The following PALD1 variants were observed in gnomAD, a reference collection of about 807,000 sequenced individuals.
The protein encoded by PALD1 is phosphatase domain containing paladin 1.
PALD1 carries 57 observed loss-of-function variants against 96.0 expected under a neutral mutation model. The ratio of observed to expected loss-of-function variants is 0.59; its 90% CI spans 0.48 to 0.74. PALD1 has a LOEUF of 0.74. Among genes scored for constraint, PALD1 ranks in the 30% least tolerant of loss-of-function variants. PALD1 has a pLI of 0.00. For synonymous variants in PALD1, 464 were observed against 473.6 expected, an observed-to-expected ratio of 0.98 and a Z score of 0.26; for missense variants, 1,063 against 1,143.7, an observed-to-expected ratio of 0.93 and a Z score of 1.02.
intron 1 of PALD1, among the ~76,000 whole-genome samples, chr10:70,492,596 AC>A (rs1389982521): frequency 2.6e-5 from 4 of 151,494 alleles, no homozygotes; most frequent in Non-Finnish European, 4.4e-5. Flanking sequence ...AGCTGGGATT[AC>A]AGGTACCTGC....
intron 10 of PALD1, among the ~76,000 whole-genome samples, chr10:70,535,840 A>G (rs541956435): frequency 6.6e-6 from 1 of 152,186 alleles, no homozygotes; most frequent in East Asian, 1.9e-4. Flanking sequence ...ATCTGGGACT[A>G]CAGGTGCATG....
At chr10:70,550,400 G>C (rs1405073989) in intron 18 of PALD1, among the ~76,000 whole-genome samples, 2 of 152,170 alleles carry the variant, frequency 1.3e-5, no homozygotes, top group African/African-American at 4.8e-5. Context: ...TTCTGATTCT[G>C]TAGGTCTGGA....
intron 1 of PALD1, among the ~76,000 whole-genome samples, chr10:70,514,899 A>T (rs1846589019): frequency 6.6e-6 from 1 of 152,178 alleles, no homozygotes; most frequent in Non-Finnish European, 1.5e-5. Flanking sequence ...TTATACAAAT[A>T]ACTAAACTTA....
chr10:70,561,584 C>T (rs1162228927), intron 18 of PALD1, among the ~76,000 whole-genome samples: 2 of 152,144 alleles, frequency 1.3e-5, no homozygotes, highest in African/African-American at 4.8e-5. Flanking sequence ...GCAAATCCTG[C>T]CCCCAGCGGC....
chr10:70,531,531 C>T, intron 5 of PALD1, 77 bp downstream of exon 5: 1 of 1,381,548 alleles, frequency 7.2e-7, no homozygotes, highest in Non-Finnish European at 9.9e-7. Context: ...GGCCAGCTCA[C>T]CTGCTCTTAC....
intron 17 of PALD1, among the ~76,000 whole-genome samples, chr10:70,544,963 C>T (rs1437480115): frequency 6.6e-6 from 1 of 152,224 alleles, no homozygotes; most frequent in Non-Finnish European, 1.5e-5. Context: ...AAGGCCCTTC[C>T]CTGTTCTTAA....
At chr10:70,522,571 C>A (rs1024767513) in intron 1 of PALD1, among the ~76,000 whole-genome samples, 1 of 152,220 alleles carries the variant, frequency 6.6e-6, no homozygotes, top group African/African-American at 2.4e-5. Flanking sequence ...GGCACTGCCT[C>A]ACACTCCATT....
chr10:70,477,122 A>G (rs923108478), upstream of PALD1, among the ~76,000 whole-genome samples: 5 of 152,172 alleles, frequency 3.3e-5, no homozygotes. Context: ...AGAGGACATT[A>G]TCCTGGAATG....
chr10:70,485,918 G>A, intron 1 of PALD1: 1 of 163,668 alleles, frequency 6.1e-6, no homozygotes. Context: ...GTTCTTCACA[G>A]ACGAGGACTC....
upstream of PALD1, among the ~76,000 whole-genome samples, chr10:70,474,800 C>G (rs143119917): frequency 1.3e-3 from 200 of 152,294 alleles, 1 homozygote; most frequent in African/African-American, 4.7e-3. Flanking sequence ...TAATATGATG[C>G]CGATAACTGA....
At chr10:70,497,023 G>C (rs983301175) in intron 1 of PALD1, among the ~76,000 whole-genome samples, 1 of 152,090 alleles carries the variant, frequency 6.6e-6, no homozygotes, top group African/African-American at 2.4e-5. Flanking sequence ...TCCAAGTCTC[G>C]TTTCACTGGG....
Position 70,539,780 on chromosome 10 carries a change from G to A in PALD1, c.1908+18G>A. The A allele has an allele frequency of 6.3e-7, 1 of 1,598,546 alleles. No individual in the cohort carries two copies. The highest frequency in any genetic ancestry group is 8.5e-7 in the Non-Finnish European group (1 of 1,175,568). On this transcript the variant is annotated intron_variant, in intron 15 of 19. Coordinates refer to ENST00000263563, the MANE Select transcript of PALD1 (RefSeq NM_014431.3). This position sits in a 1 kb window ranked among gnomAD's most constrained non-coding sequence, Gnocchi z 4.5. ...GAGAGGAGGTGAGGGTGCTGCTCAG[G>A]CTGAGGCCTCTGGGGAGGGACAGGA...
chr10:70,494,364 A>C (rs1846152605), intron 1 of PALD1, among the ~76,000 whole-genome samples: 2 of 152,236 alleles, frequency 1.3e-5, no homozygotes, highest in Admixed American at 1.3e-4. Context: ...AGTGCCTCAC[A>C]CATAGGTGGT....
At chr10:70,564,875 C>A (rs1279666976) in intron 19 of PALD1, among the ~76,000 whole-genome samples, 1 of 152,210 alleles carries the variant, frequency 6.6e-6, no homozygotes, top group African/African-American at 2.4e-5. Flanking sequence ...CCCACCTGGG[C>A]ACTTCATGCC....
intron 8 of PALD1, 141 bp downstream of exon 8, chr10:70,534,214 C>T (rs571281470): frequency 1.6e-5 from 17 of 1,079,226 alleles, no homozygotes; most frequent in African/African-American, 4.8e-5. Flanking sequence ...TGGTTTGCCA[C>T]GAGACTTGCT....
chr10:70,498,928 C>CA (rs1235403231), intron 1 of PALD1, among the ~76,000 whole-genome samples: 3,854 of 125,386 alleles, frequency 0.031, 147 homozygotes, highest in African/African-American at 0.1. Flanking sequence ...AACTTTATCT[C>CA]AGAAAAAAAA....
At chr10:70,463,340 G>C in the PALD1 span, among the ~76,000 whole-genome samples, 3 of 152,084 alleles carry the variant, frequency 2.0e-5, 1 homozygote, top group East Asian at 3.9e-4. Context: ...AACCCGGCAG[G>C]CGGGAACCGA....
chr10:70,541,639 C>T (rs1414415653), intron 17 of PALD1, 105 bp downstream of exon 17: 7 of 767,034 alleles, frequency 9.1e-6, no homozygotes, highest in East Asian at 8.0e-5. Context: ...AATGCAGTCA[C>T]GTCTGCCACC....
At chr10:70,485,387 TTGTC>T (rs1846002216) in intron 1 of PALD1, 1 of 155,348 alleles carries the variant, frequency 6.4e-6, no homozygotes, top group Admixed American at 6.5e-5. Context: ...TTCAGGTTAG[TTGTC>T]TGAGCAAACT....
Sources: gnomAD v4.1 joint callset for allele counts (sites outside exome capture counted in the v4.1 genomes callset) on GRCh38, gnomAD v4.1.1 for gene constraint, Gnocchi (gnomAD v3.1) non-coding constraint, MANE v1.5 for transcripts, NCBI Gene and HGNC (gene_info 2026-07-23, HGNC 2026-07-21) for gene names.